The following GOLGB1 variants were observed in gnomAD, a reference collection of about 807,000 sequenced individuals.
GOLGB1 encodes golgin B1.
GOLGB1 carries 174 observed loss-of-function variants against 336.9 expected under a neutral mutation model. The ratio of observed to expected loss-of-function variants is 0.52; its 90% CI spans 0.46 to 0.59. The LOEUF is 0.59. Among genes scored for constraint, GOLGB1 ranks in the 20% least tolerant of loss-of-function variants. The pLI is 0.00. For missense variants in GOLGB1, 3,331 were observed against 3,645.3 expected (o/e 0.91, Z 2.22); for synonymous variants, 1,208 against 1,289.2 (o/e 0.94, Z 1.35).
chr3:121,704,417 C>G (rs945380432), intron 10 of GOLGB1, among the ~76,000 whole-genome samples: 1 of 151,978 alleles, frequency 6.6e-6, no homozygotes, highest in Non-Finnish European at 1.5e-5. Flanking sequence ...AACAATAATT[C>G]GAATGACTAC....
rs755695464 is a variant in GOLGB1, at chr3:121,697,350, G to A, written c.3173C>T (p.Ser1058Phe). ...ATAAATTTCTATTTCTTGGCACTTA[G>A]AAGTCACACATTTTTCTGAGTATTC... Reference protein sequence around the residue: ...NKEYSEKCVTSKCQEIEIYLK... With the variant: ...NKEYSEKCVTFKCQEIEIYLK... Residue 1058 changes from serine (S) to phenylalanine (F), a missense_variant, in exon 13 of 22, where the codon TCT (serine) becomes TTT (phenylalanine). By Grantham distance (155) the Ser-to-Phe change is radical. Coordinates refer to ENST00000614479, the MANE Select transcript of GOLGB1 (RefSeq NM_001366282.2). The A allele has an allele frequency of 6.2e-7, 1 of 1,613,672 alleles. No homozygotes were observed. The highest frequency in any genetic ancestry group is 1.7e-5 in the Admixed American group (1 of 60,014).
chr3:121,719,758 A>T lies in GOLGB1; in HGVS notation c.659T>A (p.Met220Lys), dbSNP rs780045114. ...ATCTTTCTCTCGGACCACCTGCTGCATGGAACTCAACTGAAGACACATACC... is the reference window on the plus strand; with the variant it reads ...ATCTTTCTCTCGGACCACCTGCTGCTTGGAACTCAACTGAAGACACATACC... ...QAEQAAQLSS[M>K]QQVVREKDAR... Residue 220 changes from methionine (M) to lysine (K), a missense_variant, in exon 7 of 22, where the codon ATG (methionine) becomes AAG (lysine). Coordinates refer to ENST00000614479, the MANE Select transcript of GOLGB1 (RefSeq NM_001366282.2). 3.1e-6 allele frequency: 5 copies of T among 1,605,446 alleles called. No individual in the cohort carries two copies. In the South Asian group the frequency reaches 5.6e-5, roughly 18 times the overall value.
chr3:121,681,768 T>C lies in GOLGB1; in HGVS notation c.8792A>G (p.Asp2931Gly). The change falls in exon 15 of 22, where the codon GAT becomes GGT. Residue 2931 changes from aspartate (D) to glycine (G), a missense_variant. Transcript: ENST00000614479. Reference sequence around the variant, plus strand: ...CATAATCTGAAATGCTTTTGTCTTATCTTGATACTCCTGAAGTTGAGCCTT... The same window carrying C: ...CATAATCTGAAATGCTTTTGTCTTACCTTGATACTCCTGAAGTTGAGCCTT... The part of the protein sequence containing the change: ...PLKAQLQEYQ[D>G]KTKAFQIMQE... 6.2e-7 allele frequency: 1 copy of C among 1,610,748 alleles called. No individual in the cohort carries two copies. Among genetic ancestry groups the C allele is most frequent in the Non-Finnish European group, 8.5e-7 (1 of 1,176,972 alleles).
rs1944848413 is a variant in GOLGB1 at position 121,717,144 on chromosome 3, G to GA, written c.886-6dup. On this transcript the variant is annotated splice_region_variant and splice_polypyrimidine_tract_variant and intron_variant, in intron 8 of 21. Transcript: ENST00000614479. ...CTGTAACTGCTGAGAGAGAATCTAA[G>GA]AAAAAAGACAAAGTCTCATGAGCCA... 1.9e-6 allele frequency: 3 copies of GA among 1,581,874 alleles called. No individual in the cohort carries two copies. Among genetic ancestry groups the GA allele is most frequent in the African/African-American group, 1.4e-5 (1 of 72,738 alleles).
rs115146755 is a variant in GOLGB1 at position 121,691,925 on chromosome 3, C to T, written c.7439G>A (p.Arg2480His). ...SMSSLQNDRD[R>H]IVGDYQQLEE... is the part of the protein sequence containing the mutation. The stretch of plus-strand genomic sequence containing the variant: ...CAGCTGTTGATAGTCACCCACTATG[C>T]GGTCTCGATCATTTTGGAGAGAAGA... The change falls in exon 14 of 22, where the codon CGC becomes CAC. Residue 2480 changes from arginine to histidine, a missense_variant. Physicochemically the swap from Arg to His is conservative, Grantham distance 29. Transcript: ENST00000614479. 877 of 1,614,066 alleles carry T rather than the reference C, an allele frequency of 5.4e-4. 4 individuals carry two copies. In the African/African-American group the frequency reaches 9.1e-3, roughly 17 times the overall value.
At chr3:121,702,074 GTT>G (rs1943463435) in intron 11 of GOLGB1, among the ~76,000 whole-genome samples, 1 of 152,110 alleles carries the variant, frequency 6.6e-6, no homozygotes, top group Admixed American at 6.5e-5. Context: ...TCACAACATA[GTT>G]TCTACCTTTA....
At chr3:121,709,391 G>A (rs1199193144) in intron 10 of GOLGB1, among the ~76,000 whole-genome samples, 1 of 152,042 alleles carries the variant, frequency 6.6e-6, no homozygotes, top group Admixed American at 6.5e-5. Context: ...AAGTGTACAA[G>A]GTATGTTCAC....
At chr3:121,665,160 A>G in intron 20 of GOLGB1, 129 bp from the exon 21 acceptor site, 1 of 614,010 alleles carries the variant, frequency 1.6e-6, no homozygotes, top group Non-Finnish European at 2.9e-6. Context: ...CTGCTCCCAT[A>G]AACCCAAACC....
Position 121,727,042 on chromosome 3 carries a change from C to T in GOLGB1, c.403-1G>A, listed in dbSNP as rs781636456. 3 of 1,536,780 alleles carry T rather than the reference C, an allele frequency of 2.0e-6. No homozygotes were observed. The highest frequency in any genetic ancestry group is 2.4e-5 in the South Asian group (2 of 83,132). On this transcript the variant is annotated splice_acceptor_variant, in intron 4 of 21. Coordinates refer to ENST00000614479, the MANE Select transcript of GOLGB1 (RefSeq NM_001366282.2). LOFTEE classifies it high-confidence loss of function. ...CTTCCTCTGTAGAACTCTTGTCATG[C>T]TGAAAATGCAGGAGATAAAGTCATT...
rs114409213 is a variant in GOLGB1, at chr3:121,691,810, T to C, written c.7554A>G (p.Arg2518=). The part of the protein sequence containing the change: ...AENNKLKEEI[R]GLRSHMDDLN... ...GATCATCCATATGACTTCTCAAGCC[T>C]CGTATTTCTTCTTTAAGCTTATTAT... Residue 2518 remains arginine, a synonymous_variant, in exon 14 of 22, where the codon CGA becomes CGG. Transcript: ENST00000614479. 123 of 1,613,900 alleles carry C rather than the reference T, an allele frequency of 7.6e-5. No individual in the cohort carries two copies. The African/African-American group carries it at 1.5e-3, about 20-fold the overall frequency.
rs1228026814 is a variant in GOLGB1 at position 121,699,896 on chromosome 3, C to T, written c.1520-11G>A. The T allele has an allele frequency of 2.0e-6, 3 of 1,522,104 alleles. No homozygotes were observed. The South Asian group carries it at 3.4e-5, about 17-fold the overall frequency. The allele number at this position is 1,522,104 out of a possible 1,614,324, so 94.3% of individuals were successfully genotyped here. On this transcript the variant is annotated splice_polypyrimidine_tract_variant and intron_variant, in intron 11 of 21. Coordinates refer to ENST00000614479, the MANE Select transcript of GOLGB1 (RefSeq NM_001366282.2). ...GAGAAGACAGTTTTTCTGAAAGTCA[C>T]AAAATAAATATCTTTAGAAGATATA...
chr3:121,703,031 A>G (rs139597308), intron 10 of GOLGB1, among the ~76,000 whole-genome samples: 2 of 152,366 alleles, frequency 1.3e-5, no homozygotes, highest in East Asian at 3.9e-4. Flanking sequence ...CTCTTAAGAA[A>G]GGAAGAAGAT....
rs1356678749 is a variant in GOLGB1, at chr3:121,663,442, C to T, written c.*1038G>A. On this transcript the variant is annotated 3_prime_UTR_variant, in exon 22 of 22. Transcript: ENST00000614479. Reference sequence around the variant, plus strand: ...AGGCACAAATGGAATTCTATCCTGGCTGTCCTTCTCAGGTCTATCTATATT... The same window carrying T: ...AGGCACAAATGGAATTCTATCCTGGTTGTCCTTCTCAGGTCTATCTATATT... The T allele has an allele frequency of 6.6e-6, 1 of 152,204 alleles. No homozygotes were observed. The highest frequency in any genetic ancestry group is 1.5e-5 in the Non-Finnish European group (1 of 68,044). 9.4% of individuals were successfully genotyped at this position (152,204 alleles called of 1,614,324 possible).
At chr3:121,734,488 A>C (rs1037482428) in intron 1 of GOLGB1, among the ~76,000 whole-genome samples, 1 of 152,178 alleles carries the variant, frequency 6.6e-6, no homozygotes, top group African/African-American at 2.4e-5. Flanking sequence ...TAAAACAATA[A>C]AAATATCTTA....
intron 15 of GOLGB1, among the ~76,000 whole-genome samples, chr3:121,679,183 C>A (rs1259829527): frequency 6.6e-6 from 1 of 152,102 alleles, no homozygotes; most frequent in Admixed American, 6.5e-5. Context: ...ACTTCAAAAT[C>A]CAAAACTTTT....
chr3:121,730,954 T>C lies in GOLGB1; in HGVS notation c.18A>G (p.Ser6=). MLSRL[S]GLANVVLHEL... ...CATGCAAAACAACATTTGCTAATCC[T>C]GATAATCGGCTCAGCATTTCTGTAG... is the stretch of plus-strand genomic sequence containing the variant. The change falls in exon 2 of 22, where the codon TCA becomes TCG. Residue 6 remains serine (S), a synonymous_variant. Coordinates refer to ENST00000614479, the MANE Select transcript of GOLGB1 (RefSeq NM_001366282.2). 6.2e-7 allele frequency: 1 copy of C among 1,612,840 alleles called. No homozygotes were observed. The highest frequency in any genetic ancestry group is 1.7e-5 in the Admixed American group (1 of 59,766).
Position 121,694,649 on chromosome 3 carries a change from T to C in GOLGB1, c.5874A>G (p.Leu1958=), listed in dbSNP as rs1451829147. The change falls in exon 13 of 22, where the codon CTA becomes CTG. Residue 1958 remains leucine, a synonymous_variant. Coordinates refer to ENST00000614479, the MANE Select transcript of GOLGB1 (RefSeq NM_001366282.2). The part of the protein sequence containing the change: ...DVTDAQIKNE[L]LESEMKNLKK... ...TAAGGTTCTTCATTTCAGATTCCAA[T>C]AGCTCATTTTTTATTTGGGCATCTG... 1.2e-6 allele frequency: 2 copies of C among 1,611,320 alleles called. No individual in the cohort carries two copies. The highest frequency in any genetic ancestry group is 2.2e-5 in the South Asian group (2 of 90,970).
At chr3:121,687,745 A>G (rs1327159573) in intron 14 of GOLGB1, among the ~76,000 whole-genome samples, 1 of 152,238 alleles carries the variant, frequency 6.6e-6, no homozygotes, top group South Asian at 2.1e-4. Flanking sequence ...AAACATAGTT[A>G]GCTAATTCAG....
chr3:121,733,943 A>T (rs1359189640), intron 1 of GOLGB1, among the ~76,000 whole-genome samples: 2 of 152,226 alleles, frequency 1.3e-5, no homozygotes, highest in African/African-American at 4.8e-5. Flanking sequence ...AAGGTTTTAG[A>T]AATAAACATA....
Sources: gnomAD v4.1 joint callset for allele counts (sites outside exome capture counted in the v4.1 genomes callset) on GRCh38, gnomAD v4.1.1 for gene constraint, MANE v1.5 for transcripts, NCBI Gene and HGNC (gene_info 2026-07-23, HGNC 2026-07-21) for gene names.